The following NRP2 variants were observed in gnomAD, a reference collection of about 807,000 sequenced individuals.
The protein encoded by NRP2 is neuropilin-2.
Under a neutral mutation model 110.4 loss-of-function variants are expected in NRP2, and 52 were observed. The ratio of observed to expected loss-of-function variants is 0.47; its 90% CI spans 0.38 to 0.59. NRP2 has a LOEUF of 0.59. NRP2 is among the 20% of genes least tolerant of loss of function. The probability of loss-of-function intolerance (pLI) is 0.00; values close to 1 mark genes in which losing one functional copy is unlikely to be tolerated. For missense variants in NRP2, 1,049 were observed against 1,203.0 expected, an observed-to-expected ratio of 0.87 and a Z score of 1.89; for synonymous variants, 508 against 468.9, an observed-to-expected ratio of 1.08 and a Z score of -1.08.
intron 2 of NRP2, among the ~76,000 whole-genome samples, chr2:205,703,805 T>A (rs1244717328): frequency 2.0e-5 from 3 of 152,168 alleles, no homozygotes; most frequent in Admixed American, 2.0e-4. Flanking sequence ...ACCAAAATAA[T>A]TGAACATGCC....
intron 13 of NRP2, 35 bp from the exon 14 acceptor site, chr2:205,765,439 C>T (rs1226491470): frequency 3.8e-6 from 6 of 1,572,084 alleles, no homozygotes; most frequent in Admixed American, 1.7e-5. Flanking sequence ...CTAGGAGACT[C>T]AGTTAACCAT....
chr2:205,726,063 C>T lies in NRP2; in HGVS notation c.971C>T (p.Ser324Phe). The change falls in exon 6 of 17, where the codon TCC becomes TTC. Residue 324 changes from serine (S) to phenylalanine (F), a missense_variant. Transcript: ENST00000357785. ...DDNGWTPNLD[S>F]NKEYLQVDLR... ...AATGGCTGGACCCCCAACTTGGATT[C>T]CAACAAGGAGTATCTCCAGGTACTT... 6.2e-7 allele frequency: 1 copy of T among 1,614,184 alleles called. No homozygotes were observed. The highest frequency in any genetic ancestry group is 8.5e-7 in the Non-Finnish European group (1 of 1,180,038).
At chr2:205,774,461 C>T (rs1197386322) in intron 15 of NRP2, among the ~76,000 whole-genome samples, 2 of 152,068 alleles carry the variant, frequency 1.3e-5, no homozygotes, top group Non-Finnish European at 2.9e-5. Flanking sequence ...CATTTCTACC[C>T]CAGGGGTTGT....
At position 205,697,617 on chromosome 2, in the gene NRP2, C is replaced by T. The variant is rs746093963; in HGVS notation, c.147C>T (p.Tyr49=). Residue 49 remains tyrosine, a synonymous_variant, in exon 2 of 17, where the codon TAC becomes TAT. Coordinates refer to ENST00000357785, the MANE Select transcript of NRP2 (RefSeq NM_003872.3). ...YITSPGYPQD[Y]PSHQNCEWIV... is the part of the protein sequence containing the mutation. ...CCTCTCCCGGTTACCCCCAGGACTA[C>T]CCCTCCCACCAGAACTGCGAGTGGA... is the stretch of plus-strand genomic sequence containing the variant. 1.5e-5 allele frequency: 25 copies of T among 1,613,930 alleles called. No individual in the cohort carries two copies. Among genetic ancestry groups the T allele is most frequent in the South Asian group, 2.2e-5 (2 of 91,056 alleles).
chr2:205,745,716 A>G, intron 9 of NRP2, 30 bp from the exon 10 acceptor site: 1 of 1,613,764 alleles, frequency 6.2e-7, no homozygotes, highest in South Asian at 1.1e-5. Context: ...GTCCCACACC[A>G]GAAGGGCTGA....
intron 7 of NRP2, among the ~76,000 whole-genome samples, chr2:205,734,702 C>T (rs2057311599): frequency 6.6e-6 from 1 of 152,112 alleles, no homozygotes; most frequent in Non-Finnish European, 1.5e-5. Flanking sequence ...GCTTTGTTTT[C>T]CCCCTTCTTG....
At chr2:205,761,005 C>A (rs974113210) in intron 12 of NRP2, 1 of 152,088 alleles carries the variant, frequency 6.6e-6, no homozygotes, top group Non-Finnish European at 1.5e-5. Flanking sequence ...TTACCGGAAG[C>A]GTGGGAGCAT....
chr2:205,713,163 G>T (rs1469033099), intron 2 of NRP2, among the ~76,000 whole-genome samples: 2 of 152,090 alleles, frequency 1.3e-5, no homozygotes, highest in Non-Finnish European at 2.9e-5. Flanking sequence ...TCCCCTAAAT[G>T]ACTCCATGGG....
In NRP2 at chr2:205,716,400, G is replaced by A. The variant is rs745806444; in HGVS notation, c.433+26G>A. 19 of 1,611,876 alleles carry A rather than the reference G, an allele frequency of 1.2e-5. No individual in the cohort carries two copies. In the South Asian group the frequency reaches 1.9e-4, roughly 16 times the overall value. ...GTCAGTGTGGTCACACGTAGGGGCC[G>A]GGAGATGGGCGTCTTAGAGAAGAAG... On this transcript the variant is annotated intron_variant, in intron 3 of 16. Transcript: ENST00000357785.
chr2:205,716,223 C>T lies in NRP2; in HGVS notation c.282C>T (p.Asp94=). 6.2e-7 allele frequency: 1 copy of T among 1,614,182 alleles called. No homozygotes were observed. The change falls in exon 3 of 17, where the codon GAC becomes GAT. Residue 94 remains aspartate (D), a synonymous_variant. Transcript: ENST00000357785. The stretch of plus-strand genomic sequence containing the variant: ...ACTTTATCGAGATTCGGGATGGGGA[C>T]AGTGAATCCGCAGACCTCCTGGGCA... ...KYDFIEIRDG[D]SESADLLGKH...
chr2:205,697,268 A>G (rs370818123), intron 1 of NRP2, among the ~76,000 whole-genome samples: 9 of 149,864 alleles, frequency 6.0e-5, no homozygotes, highest in African/African-American at 2.2e-4. Flanking sequence ...ATCACAGACC[A>G]TGTAATTGAG....
rs2058337919 is a variant in NRP2 at position 205,794,854 on chromosome 2, C to A, written c.2577C>A (p.Pro859=). 1.2e-5 allele frequency: 19 copies of A among 1,614,206 alleles called. No individual in the cohort carries two copies. The highest frequency in any genetic ancestry group is 1.6e-5 in the Non-Finnish European group (19 of 1,180,034). The stretch of plus-strand genomic sequence containing the variant: ...AGAGCTGGCTGTACACCCTGGATCC[C>A]ATCCTCATCACCATCATCGCCATGA... The part of the protein sequence containing the change: ...KEKSWLYTLD[P]ILITIIAMSS... The change falls in exon 17 of 17, where the codon CCC becomes CCA. Residue 859 remains proline (P), a synonymous_variant. Transcript: ENST00000357785.
chr2:205,696,383 G>A (rs983082481), intron 1 of NRP2, among the ~76,000 whole-genome samples: 1 of 152,234 alleles, frequency 6.6e-6, no homozygotes, highest in Non-Finnish European at 1.5e-5. Flanking sequence ...GCTCCATGCA[G>A]ATGGCGATAT....
intron 1 of NRP2, among the ~76,000 whole-genome samples, chr2:205,695,424 G>C (rs1390686276): frequency 6.6e-6 from 1 of 152,166 alleles, no homozygotes; most frequent in East Asian, 1.9e-4. Context: ...GTTTAAACCT[G>C]GGGTGTGGGG....
intron 2 of NRP2, among the ~76,000 whole-genome samples, chr2:205,714,683 G>A (rs1047880036): frequency 2.6e-5 from 4 of 152,178 alleles, no homozygotes; most frequent in Non-Finnish European, 2.9e-5. Flanking sequence ...CTCCCTGGGG[G>A]TTGAAACTGC....
chr2:205,741,239 G>A (rs954057341), intron 8 of NRP2, among the ~76,000 whole-genome samples: 1 of 152,206 alleles, frequency 6.6e-6, no homozygotes, highest in Non-Finnish European at 1.5e-5. Context: ...ATCAATGTCT[G>A]GACATAGAGG....
At chr2:205,709,162 A>T (rs1332562272) in intron 2 of NRP2, among the ~76,000 whole-genome samples, 1 of 152,230 alleles carries the variant, frequency 6.6e-6, no homozygotes, top group Non-Finnish European at 1.5e-5. Context: ...TTGAAATAAA[A>T]TCTCGAAAAC....
intron 7 of NRP2, among the ~76,000 whole-genome samples, chr2:205,734,156 ATCTC>A (rs1315508982): frequency 6.9e-6 from 1 of 144,494 alleles, no homozygotes; most frequent in Non-Finnish European, 1.5e-5. Flanking sequence ...CCTTCTCTTA[ATCTC>A]TCTCTGTGTT....
At chr2:205,776,322 C>T (rs368938118) in intron 15 of NRP2, 18 of 1,612,992 alleles carry the variant, frequency 1.1e-5, no homozygotes, top group South Asian at 6.6e-5. Context: ...ACTGGTATTA[C>T]GTAATGGCCG....
Sources: allele counts gnomAD v4.1 joint callset (sites outside exome capture counted in the v4.1 genomes callset), GRCh38; gene constraint gnomAD v4.1.1; transcripts MANE v1.5; gene names NCBI Gene and HGNC (gene_info 2026-07-23, HGNC 2026-07-21).